Variants in TRPA1 observed in about 807,000 individuals in gnomAD.
TRPA1 encodes the protein transient receptor potential cation channel subfamily A member 1, also known as ankyrin-like with transmembrane domains 1.
In TRPA1, 129 loss-of-function variants were observed where a neutral mutation model predicts 131.3. The ratio of observed to expected loss-of-function variants is 0.98; its 90% CI spans 0.85 to 1.14. The LOEUF is 1.14. Ranked by LOEUF, TRPA1 falls within the 50% of genes most tolerant of loss-of-function variation. The probability of loss-of-function intolerance (pLI) is 0.00; values close to 1 mark genes in which losing one functional copy is unlikely to be tolerated. For synonymous variants in TRPA1, 441 were observed against 451.7 expected (o/e 0.98, Z 0.30); for missense variants, 1,304 against 1,354.2 (o/e 0.96, Z 0.58).
chr8:72,062,386 A>G (rs1450700230), intron 6 of TRPA1: 1 of 195,354 alleles, frequency 5.1e-6, no homozygotes, highest in East Asian at 1.4e-4. Flanking sequence ...AAACACAGTC[A>G]ACACGTTCAC....
At chr8:72,084,279 G>C in the TRPA1 span, among the ~76,000 whole-genome samples, 1 of 151,760 alleles carries the variant, frequency 6.6e-6, no homozygotes, top group Non-Finnish European at 1.5e-5. Flanking sequence ...TCAATTTTTA[G>C]TTTCCTTGAA....
upstream of TRPA1, among the ~76,000 whole-genome samples, chr8:72,078,371 G>C (rs968704073): frequency 6.6e-6 from 1 of 152,050 alleles, no homozygotes; most frequent in African/African-American, 2.4e-5. Context: ...AATCCAAAAA[G>C]TTTCCTTAGA....
chr8:72,078,202 T>C (rs924332599), upstream of TRPA1, among the ~76,000 whole-genome samples: 1 of 152,078 alleles, frequency 6.6e-6, no homozygotes, highest in African/African-American at 2.4e-5. Context: ...AGATATGTTA[T>C]TAATGAAAAG....
chr8:72,023,081 T>C lies in TRPA1; in HGVS notation c.3185A>G (p.His1062Arg), dbSNP rs758224761. 3.1e-6 allele frequency: 5 copies of C among 1,613,596 alleles called. No homozygotes were observed. The highest frequency in any genetic ancestry group is 4.2e-6 in the Non-Finnish European group (5 of 1,179,750). ...KDLTFLLEKQ[H>R]ELIKLIIQKM... ...CTGAATGATCAGTTTAATGAGCTCATGCTGTTTTTCCAGGAGAAAAGTAAG... is the reference window on the plus strand; with the variant it reads ...CTGAATGATCAGTTTAATGAGCTCACGCTGTTTTTCCAGGAGAAAAGTAAG... The change falls in exon 27 of 27, where the codon CAT becomes CGT. Residue 1062 changes from histidine (H) to arginine (R), a missense_variant. Physicochemically the swap from His to Arg is conservative, Grantham distance 29. Transcript: ENST00000262209.
chr8:72,023,403 C>T (rs1226187652), intron 26 of TRPA1: 20 of 497,404 alleles, frequency 4.0e-5, no homozygotes, highest in South Asian at 1.9e-4. Flanking sequence ...ACAGTTATTA[C>T]GTACCTAGTT....
chr8:72,047,192 A>G lies in TRPA1; in HGVS notation c.1921T>C (p.Cys641Arg). Reference protein sequence around the residue: ...PECMKVLLDFCMLHSTEDKSC... With the variant: ...PECMKVLLDFRMLHSTEDKSC... Reference sequence around the variant, plus strand: ...TTGTCTTCTGTGGAATGCAACATGCAGAAATCTAAAAGTACCTTTGAAAGA... The same window carrying G: ...TTGTCTTCTGTGGAATGCAACATGCGGAAATCTAAAAGTACCTTTGAAAGA... The change falls in exon 16 of 27, where the codon TGC becomes CGC. Residue 641 changes from cysteine to arginine, a missense_variant. Coordinates refer to ENST00000262209, the MANE Select transcript of TRPA1 (RefSeq NM_007332.3). 6.2e-7 allele frequency: 1 copy of G among 1,611,406 alleles called. No individual in the cohort carries two copies. Among genetic ancestry groups the G allele is most frequent in the Non-Finnish European group, 8.5e-7 (1 of 1,178,096 alleles).
chr8:72,028,015 A>C (rs1455866317), intron 24 of TRPA1, among the ~76,000 whole-genome samples: 4 of 152,106 alleles, frequency 2.6e-5, no homozygotes, highest in Non-Finnish European at 4.4e-5. Context: ...TATTTTAAAG[A>C]GCTGTTAGGG....
At chr8:72,083,945 T>TC in the TRPA1 span, among the ~76,000 whole-genome samples, 1 of 152,180 alleles carries the variant, frequency 6.6e-6, no homozygotes, top group Admixed American at 6.5e-5. Context: ...ATAATCACTT[T>TC]TTTATTGTTG....
intron 26 of TRPA1, chr8:72,023,425 T>C: frequency 2.1e-6 from 1 of 470,676 alleles, no homozygotes; most frequent in South Asian, 2.1e-5. Flanking sequence ...AATAGGGGTT[T>C]GAACTCAGGT....
intron 14 of TRPA1, among the ~76,000 whole-genome samples, chr8:72,051,667 T>C (rs1398709130): frequency 1.3e-5 from 2 of 152,196 alleles, no homozygotes; most frequent in African/African-American, 4.8e-5. Context: ...TATGAGATTG[T>C]TCGCTCTGTG....
chr8:72,083,126 A>G, the TRPA1 span, among the ~76,000 whole-genome samples: 3 of 151,958 alleles, frequency 2.0e-5, no homozygotes, highest in African/African-American at 7.2e-5. Flanking sequence ...TAGAATGCCC[A>G]TTTGGTTCTT....
chr8:72,063,524 G>A lies in TRPA1; in HGVS notation c.600C>T (p.Phe200=). 1 of 1,613,830 alleles carries A rather than the reference G, an allele frequency of 6.2e-7. No homozygotes were observed. The highest frequency in any genetic ancestry group is 1.3e-5 in the African/African-American group (1 of 75,024). Residue 200 remains phenylalanine, a synonymous_variant, in exon 5 of 27, where the codon TTC becomes TTT. Transcript: ENST00000262209. ...CTGAAAATGCAGCTTGGTGAATAGG[G>A]AAACATCCCCATTTATTTGATTTAC... ...KPCKSNKWGC[F]PIHQAAFSGS...
At chr8:72,032,431 G>A (rs889000300) in intron 23 of TRPA1, among the ~76,000 whole-genome samples, 2 of 152,190 alleles carry the variant, frequency 1.3e-5, no homozygotes, top group Admixed American at 6.5e-5. Flanking sequence ...GAGGAAAAAC[G>A]TGGGAGAGTG....
rs144498143 is a variant in TRPA1, at chr8:72,055,592, C to T, written c.1373G>A (p.Arg458His). 3.5e-4 allele frequency: 558 copies of T among 1,613,156 alleles called. 5 individuals are homozygous for T. In the African/African-American group the frequency reaches 4.6e-3, roughly 13 times the overall value. The change falls in exon 12 of 27, where the codon CGT becomes CAT. Residue 458 changes from arginine (R) to histidine (H), a missense_variant. Coordinates refer to ENST00000262209, the MANE Select transcript of TRPA1 (RefSeq NM_007332.3). ...SPLHFAASYG[R>H]INTCQRLLQD... ...TAGGAGCCTCTGACAGGTATTGATACGCCCATAACTTGGAAAAAATTAGGT... is the reference window on the plus strand; with the variant it reads ...TAGGAGCCTCTGACAGGTATTGATATGCCCATAACTTGGAAAAAATTAGGT...
intron 24 of TRPA1, among the ~76,000 whole-genome samples, chr8:72,026,472 C>G (rs1419238716): frequency 1.3e-5 from 2 of 152,174 alleles, no homozygotes; most frequent in African/African-American, 4.8e-5. Flanking sequence ...CACAACTGGA[C>G]AGTGTGAATG....
At position 72,022,908 on chromosome 8, in the gene TRPA1, A is replaced by C. The variant is rs773122139; in HGVS notation, c.3358T>G (p.Ter1120GluextTer14). 5.3e-5 allele frequency: 86 copies of C among 1,613,428 alleles called. No homozygotes were observed. In the Admixed American group the frequency reaches 1.3e-3, roughly 25 times the overall value. The change falls in exon 27 of 27, where the codon TAG becomes GAG. Residue 1120 changes from the stop codon to glutamate (E), a stop_lost. Coordinates refer to ENST00000262209, the MANE Select transcript of TRPA1 (RefSeq NM_007332.3). ...AGCCTCACTGAAGGTCTGAGGAGCTAAGGCTCAAGATGGTGTGTTTTTGCC... is the reference window on the plus strand; with the variant it reads ...AGCCTCACTGAAGGTCTGAGGAGCTCAGGCTCAAGATGGTGTGTTTTTGCC... ...VKAKTHHLEP[*>E] is the part of the protein sequence containing the mutation.
chr8:72,088,786 G>T, the TRPA1 span, among the ~76,000 whole-genome samples: 2 of 152,006 alleles, frequency 1.3e-5, no homozygotes, highest in Non-Finnish European at 2.9e-5. Context: ...AATGTACTTT[G>T]TTATAGAGAA....
intron 3 of TRPA1, among the ~76,000 whole-genome samples, chr8:72,065,931 T>C (rs563255616): frequency 6.6e-6 from 1 of 152,074 alleles, no homozygotes; most frequent in Admixed American, 6.6e-5. Flanking sequence ...AAAGTGCTCA[T>C]GGTGGAGGGG....
intron 23 of TRPA1, among the ~76,000 whole-genome samples, chr8:72,033,092 C>T (rs929555794): frequency 1.9e-4 from 29 of 152,136 alleles, no homozygotes; most frequent in Admixed American, 1.6e-3. Flanking sequence ...GGGTTCAAGG[C>T]GGCATCTGAA....
Sources: gnomAD v4.1 joint callset for allele counts (sites outside exome capture counted in the v4.1 genomes callset) on GRCh38, gnomAD v4.1.1 for gene constraint, MANE v1.5 for transcripts, NCBI Gene and HGNC (gene_info 2026-07-23, HGNC 2026-07-21) for gene names.